Variants in GBE1 observed in about 807,000 individuals in gnomAD.
GBE1 encodes 1,4-alpha-glucan branching enzyme 1, also known as 1,4-alpha-glucan-branching enzyme.
GBE1 carries 70 observed loss-of-function variants against 88.8 expected under a neutral mutation model. The observed-to-expected ratio is 0.79, with a 90% CI of 0.65 to 0.96. GBE1 has a LOEUF of 0.96. Among genes scored for constraint, GBE1 ranks in the 40% least tolerant of loss-of-function variants. The probability of loss-of-function intolerance (pLI) is 0.00; values close to 1 mark genes in which losing one functional copy is unlikely to be tolerated. For missense variants in GBE1, 872 were observed against 871.0 expected, an observed-to-expected ratio of 1.00 and a Z score of -0.01; for synonymous variants, 284 against 300.1, an observed-to-expected ratio of 0.95 and a Z score of 0.56.
chr3:81,556,308 C>T (rs1229192029), intron 12 of GBE1, among the ~76,000 whole-genome samples: 4 of 151,660 alleles, frequency 2.6e-5, no homozygotes, highest in Non-Finnish European at 5.9e-5. Flanking sequence ...AAATGAAATT[C>T]CTCACCTAGA....
intron 12 of GBE1, among the ~76,000 whole-genome samples, chr3:81,573,858 G>A (rs1478544683): frequency 6.6e-6 from 1 of 151,418 alleles, no homozygotes; most frequent in Non-Finnish European, 1.5e-5. Context: ...TCTATCTGAT[G>A]CATATATACA....
rs574595635 is a variant in GBE1 at position 81,687,475 on chromosome 3, C to T, written c.314-16522G>A. ...CGAAAATTTTCCTTTCTGGTGGCTT[C>T]TCTTTTCTCTGAAAAGTCAAGGCAA... On this transcript the variant is annotated intron_variant, in intron 2 of 15. Coordinates refer to ENST00000429644, the MANE Select transcript of GBE1 (RefSeq NM_000158.4). Among the ~76,000 whole-genome samples, 51 of 152,272 alleles carry T rather than the reference C, an allele frequency of 3.3e-4. No homozygotes were observed. The South Asian group carries it at 0.011, about 32-fold the overall frequency.
intron 14 of GBE1, among the ~76,000 whole-genome samples, chr3:81,530,750 G>A (rs1164816085): frequency 1.3e-5 from 2 of 151,880 alleles, no homozygotes; most frequent in Non-Finnish European, 2.9e-5. Context: ...ACACCACTGG[G>A]ACTGTGCTGG....
chr3:81,556,573 T>A (rs1340960221), intron 12 of GBE1, among the ~76,000 whole-genome samples: 1 of 152,122 alleles, frequency 6.6e-6, no homozygotes, highest in East Asian at 1.9e-4. Flanking sequence ...TCGGGAGACA[T>A]TCTAGACTAC....
intron 10 of GBE1, among the ~76,000 whole-genome samples, chr3:81,582,627 T>G (rs1373907233): frequency 6.6e-6 from 1 of 152,030 alleles, no homozygotes; most frequent in African/African-American, 2.4e-5. Context: ...GCAACAGAAA[T>G]TCAATGGAAG....
intron 2 of GBE1, among the ~76,000 whole-genome samples, chr3:81,703,950 G>A (rs1440259105): frequency 6.6e-6 from 1 of 151,942 alleles, no homozygotes; most frequent in Non-Finnish European, 1.5e-5. Context: ...AGAGACTTAA[G>A]CATCCTTGGA....
intron 14 of GBE1, among the ~76,000 whole-genome samples, chr3:81,523,039 G>T (rs755265659): frequency 4.6e-5 from 7 of 151,274 alleles, no homozygotes; most frequent in Non-Finnish European, 1.0e-4. Flanking sequence ...GACCCAATTT[G>T]TGTCAAGATT....
At chr3:81,631,597 A>G (rs567632147) in intron 7 of GBE1, among the ~76,000 whole-genome samples, 87 of 151,850 alleles carry the variant, frequency 5.7e-4, no homozygotes, top group African/African-American at 2.1e-3. Flanking sequence ...AAAACAAAAA[A>G]TTAGCCAGGT....
At position 81,646,492 on chromosome 3, in the gene GBE1, G is replaced by A; in HGVS notation, c.692-10C>T. 2 of 1,456,616 alleles carry A rather than the reference G, an allele frequency of 1.4e-6. No individual in the cohort carries two copies. The highest frequency in any genetic ancestry group is 1.4e-5 in the African/African-American group (1 of 69,930). The allele number at this position is 1,456,616 out of a possible 1,614,324, so 90.2% of individuals were successfully genotyped here. On this transcript the variant is annotated splice_polypyrimidine_tract_variant and intron_variant, in intron 5 of 15. Coordinates refer to ENST00000429644, the MANE Select transcript of GBE1 (RefSeq NM_000158.4). The stretch of plus-strand genomic sequence containing the variant: ...TGAATGCAGTTGTATCCTATATAAG[G>A]CAATGGTCAAATCTAAATTAAAAGC...
chr3:81,531,458 G>C (rs1470704403), intron 14 of GBE1, among the ~76,000 whole-genome samples: 1 of 151,884 alleles, frequency 6.6e-6, no homozygotes, highest in South Asian at 2.1e-4. Flanking sequence ...ACATGGTTCT[G>C]GGTCTCATCA....
chr3:81,493,939 A>G (rs550676404), intron 15 of GBE1, among the ~76,000 whole-genome samples: 1 of 151,990 alleles, frequency 6.6e-6, no homozygotes, highest in South Asian at 2.1e-4. Context: ...CTCCAAGAAC[A>G]CTCACTAACT....
In GBE1 at chr3:81,761,434, C is replaced by T. The variant is rs2107250695; in HGVS notation, c.84G>A (p.Leu28=). Residue 28 remains leucine (L), a synonymous_variant, in exon 1 of 16, where the codon CTG becomes CTA. Coordinates refer to ENST00000429644, the MANE Select transcript of GBE1 (RefSeq NM_000158.4). Reference sequence around the variant, plus strand: ...ACGGGTCGATCTCCAGGAGTCTGGCCAGTTCGGGCACGTCAGCCAGGGCGG... The same window carrying T: ...ACGGGTCGATCTCCAGGAGTCTGGCTAGTTCGGGCACGTCAGCCAGGGCGG... The part of the protein sequence containing the change: ...LNAALADVPE[L]ARLLEIDPYL... The T allele has an allele frequency of 6.2e-7, 1 of 1,613,684 alleles. No homozygotes were observed. Among genetic ancestry groups the T allele is most frequent in the Non-Finnish European group, 8.5e-7 (1 of 1,179,694 alleles).
chr3:81,505,603 C>G (rs939658858), intron 14 of GBE1, among the ~76,000 whole-genome samples: 2 of 152,176 alleles, frequency 1.3e-5, no homozygotes, highest in Non-Finnish European at 2.9e-5. Flanking sequence ...TCCTGAATCA[C>G]AGAAAAGGCT....
chr3:81,685,773 A>T (rs1423035513), intron 2 of GBE1, among the ~76,000 whole-genome samples: 1 of 152,142 alleles, frequency 6.6e-6, no homozygotes, highest in African/African-American at 2.4e-5. Flanking sequence ...CTCAGCATTC[A>T]AATAGGATGA....
chr3:81,743,543 T>A, intron 1 of GBE1: 1 of 1,519,456 alleles, frequency 6.6e-7, no homozygotes, highest in East Asian at 2.5e-5. Flanking sequence ...ATAATGCAAG[T>A]CATAATGAGT....
At chr3:81,647,785 T>G (rs1254955014) in intron 5 of GBE1, among the ~76,000 whole-genome samples, 1 of 152,130 alleles carries the variant, frequency 6.6e-6, no homozygotes, top group Non-Finnish European at 1.5e-5. Context: ...TTCATTCTTC[T>G]TGGCTGATAC....
chr3:81,580,707 T>C (rs1344194896), intron 11 of GBE1, among the ~76,000 whole-genome samples: 1 of 152,048 alleles, frequency 6.6e-6, no homozygotes, highest in Non-Finnish European at 1.5e-5. Context: ...TAAGGCTGGA[T>C]GGAACAGGGG....
chr3:81,743,899 G>A (rs1706386268), intron 1 of GBE1, among the ~76,000 whole-genome samples: 1 of 152,030 alleles, frequency 6.6e-6, no homozygotes, highest in Non-Finnish European at 1.5e-5. Flanking sequence ...TAAGTATGTG[G>A]CATATCTCCA....
chr3:81,613,531 T>C (rs1197934350), intron 7 of GBE1, among the ~76,000 whole-genome samples: 1 of 152,000 alleles, frequency 6.6e-6, no homozygotes, highest in Non-Finnish European at 1.5e-5. Flanking sequence ...CTGTCTATTT[T>C]CTCTTGTTTA....
Sources: gnomAD v4.1 joint callset for allele counts (sites outside exome capture counted in the v4.1 genomes callset) on GRCh38, gnomAD v4.1.1 for gene constraint, MANE v1.5 for transcripts, NCBI Gene and HGNC (gene_info 2026-07-23, HGNC 2026-07-21) for gene names.